RALYL: variants seen among roughly 807,000 people sequenced by gnomAD.
RALYL encodes RNA-binding Raly-like protein.
Under a neutral mutation model 35.1 loss-of-function variants are expected in RALYL, and 29 were observed. The observed-to-expected ratio is 0.83, with a 90% CI of 0.61 to 1.13. The LOEUF (loss-of-function observed/expected upper bound fraction) is 1.13, where lower values mean the gene tolerates loss of function less well. Ranked by LOEUF, RALYL falls within the 50% of genes most tolerant of loss-of-function variation. The pLI, the probability that RALYL is intolerant of heterozygous loss-of-function variation, is 0.00. For synonymous variants in RALYL, 120 were observed against 127.6 expected, an observed-to-expected ratio of 0.94 and a Z score of 0.40; for missense variants, 359 against 360.4, an observed-to-expected ratio of 1.00 and a Z score of 0.03.
chr8:84,846,010 A>C (rs1220813563), intron 4 of RALYL, among the ~76,000 whole-genome samples: 2 of 152,060 alleles, frequency 1.3e-5, no homozygotes, highest in African/African-American at 4.8e-5. Flanking sequence ...CTATTTTTGT[A>C]CCAGGACCAT....
intron 2 of RALYL, among the ~76,000 whole-genome samples, chr8:84,765,590 TC>T (rs1586068158): frequency 6.6e-6 from 1 of 152,222 alleles, no homozygotes; most frequent in South Asian, 2.1e-4. Context: ...TCTGAGGATC[TC>T]AACTAATAAT....
At chr8:84,333,129 T>G (rs1847146584) in intron 1 of RALYL, among the ~76,000 whole-genome samples, 1 of 152,190 alleles carries the variant, frequency 6.6e-6, no homozygotes, top group Non-Finnish European at 1.5e-5. Context: ...TTTTTTATTT[T>G]CCCTACCAAG....
intron 1 of RALYL, among the ~76,000 whole-genome samples, chr8:84,280,133 A>G (rs1222447801): frequency 2.0e-5 from 3 of 152,218 alleles, no homozygotes; most frequent in African/African-American, 7.2e-5. Flanking sequence ...AATTATCAGT[A>G]CCTATGAGAT....
chr8:84,890,772 G>A (rs1196414377), intron 8 of RALYL, among the ~76,000 whole-genome samples: 1 of 150,236 alleles, frequency 6.7e-6, no homozygotes, highest in African/African-American at 2.5e-5. Context: ...AAGCAAACAT[G>A]TTCAAAGTTG....
chr8:84,865,529 C>T (rs1256930690), intron 6 of RALYL, among the ~76,000 whole-genome samples: 9 of 152,100 alleles, frequency 5.9e-5, no homozygotes, highest in African/African-American at 2.2e-4. Context: ...AATAGATTGC[C>T]ACTAGGCATT....
chr8:84,518,625 A>G (rs1250141534), intron 1 of RALYL, among the ~76,000 whole-genome samples: 1 of 152,190 alleles, frequency 6.6e-6, no homozygotes, highest in African/African-American at 2.4e-5. Context: ...GGTAGGAAGA[A>G]ATTCACCATT....
At chr8:84,680,687 G>A (rs181157310) in intron 2 of RALYL, among the ~76,000 whole-genome samples, 43 of 152,096 alleles carry the variant, frequency 2.8e-4, no homozygotes, top group African/African-American at 1.0e-3. Flanking sequence ...CCCACTTGTT[G>A]ATGGGGTTGT....
At chr8:84,644,086 T>C (rs947637327) in intron 2 of RALYL, among the ~76,000 whole-genome samples, 14 of 151,382 alleles carry the variant, frequency 9.2e-5, no homozygotes, top group Non-Finnish European at 1.8e-4. Flanking sequence ...TGTAAGGGAG[T>C]GTATGGTGAG....
chr8:84,500,497 A>G, intron 1 of RALYL, among the ~76,000 whole-genome samples: 1 of 152,178 alleles, frequency 6.6e-6, no homozygotes, highest in Admixed American at 6.6e-5. Context: ...GGAATATTCA[A>G]AATTATTCTG....
chr8:84,575,296 T>C (rs187235596), intron 2 of RALYL, among the ~76,000 whole-genome samples: 3 of 152,242 alleles, frequency 2.0e-5, no homozygotes, highest in African/African-American at 7.2e-5. Context: ...ATTTGAGATA[T>C]ATGTGTTTTA....
intron 1 of RALYL, among the ~76,000 whole-genome samples, chr8:84,193,339 T>C (rs1296278037): frequency 6.6e-6 from 1 of 152,178 alleles, no homozygotes; most frequent in Non-Finnish European, 1.5e-5. Flanking sequence ...AAATAATTTT[T>C]CAGGGTCAAT....
At chr8:84,543,910 C>G (rs2060185423) in intron 2 of RALYL, among the ~76,000 whole-genome samples, 1 of 152,044 alleles carries the variant, frequency 6.6e-6, no homozygotes, top group Non-Finnish European at 1.5e-5. Context: ...TGACATCGAT[C>G]AGCATTGTCA....
chr8:84,558,702 C>T (rs1008248338), intron 2 of RALYL, among the ~76,000 whole-genome samples: 3 of 151,926 alleles, frequency 2.0e-5, no homozygotes, highest in African/African-American at 4.8e-5. Flanking sequence ...AATTTCTGGT[C>T]GCTGGAGAGG....
At chr8:84,548,912 TAAAAAGTCA>T (rs2060536239) in intron 2 of RALYL, among the ~76,000 whole-genome samples, 3 of 152,312 alleles carry the variant, frequency 2.0e-5, no homozygotes, top group African/African-American at 7.2e-5. Flanking sequence ...ATTGAGAGTT[TAAAAAGTCA>T]AAACCTCTCT....
At chr8:84,895,788 A>G (rs1437968507) in intron 8 of RALYL, among the ~76,000 whole-genome samples, 1 of 152,204 alleles carries the variant, frequency 6.6e-6, no homozygotes, top group Non-Finnish European at 1.5e-5. Context: ...CTGGGATTAC[A>G]GGTGTGAGCC....
intron 1 of RALYL, among the ~76,000 whole-genome samples, chr8:84,333,901 C>G (rs896871905): frequency 6.6e-6 from 1 of 152,166 alleles, no homozygotes; most frequent in Non-Finnish European, 1.5e-5. Context: ...TTTTTCCCCC[C>G]TTGGGACACG....
intron 2 of RALYL, among the ~76,000 whole-genome samples, chr8:84,719,200 C>T (rs925931063): frequency 2.0e-5 from 3 of 152,156 alleles, no homozygotes; most frequent in African/African-American, 7.2e-5. Context: ...TCACTATTTT[C>T]ATTCTATATC....
At chr8:84,543,906 C>T (rs948931301) in intron 2 of RALYL, among the ~76,000 whole-genome samples, 1 of 152,012 alleles carries the variant, frequency 6.6e-6, no homozygotes, top group Non-Finnish European at 1.5e-5. Flanking sequence ...ACAGTGACAT[C>T]GATCAGCATT....
intron 3 of RALYL, among the ~76,000 whole-genome samples, chr8:84,783,529 G>A (rs1480655669): frequency 6.6e-6 from 1 of 152,022 alleles, no homozygotes; most frequent in African/African-American, 2.4e-5. Flanking sequence ...CTGGTAATTG[G>A]GGTGACCATT....
Sources: gnomAD v4.1 joint callset for allele counts (sites outside exome capture counted in the v4.1 genomes callset) on GRCh38, gnomAD v4.1.1 for gene constraint, MANE v1.5 for transcripts, NCBI Gene and HGNC (gene_info 2026-07-23, HGNC 2026-07-21) for gene names.